Variants in ZFAND2A observed in about 807,000 individuals in gnomAD.
The protein encoded by ZFAND2A is zinc finger AN1-type containing 2A.
Under a neutral mutation model 11.6 loss-of-function variants are expected in ZFAND2A, and 20 were observed. The ratio of observed to expected loss-of-function variants is 1.72; its 90% CI spans 1.21 to 2.50. ZFAND2A has a LOEUF of 2.50. Ranked by LOEUF, ZFAND2A falls within the 30% of genes most tolerant of loss-of-function variation. ZFAND2A has a pLI of 0.00. For missense variants in ZFAND2A, 234 were observed against 182.9 expected (o/e 1.28, Z -1.61); for synonymous variants, 93 against 60.6 (o/e 1.54, Z -2.48).
intron 3 of ZFAND2A, 74 bp from the exon 4 acceptor site, chr7:1,155,658 C>T (rs777515683): frequency 6.6e-6 from 10 of 1,518,188 alleles, no homozygotes; most frequent in African/African-American, 1.5e-5. Context: ...AACGAGTACT[C>T]CTGTGCGGCA....
chr7:1,158,152 A>T lies in ZFAND2A; in HGVS notation c.55+6T>A, dbSNP rs545420739. The T allele has an allele frequency of 6.8e-6, 11 of 1,613,286 alleles. No homozygotes were observed. Among genetic ancestry groups the T allele is most frequent in the Non-Finnish European group, 9.3e-6 (11 of 1,179,554 alleles). ...ATTTTCTATTAAGTCTCTTAAAAGT[A>T]CTCACCTAGCTGCTTGCAAGTCTTT... On this transcript the variant is annotated splice_donor_region_variant and intron_variant, in intron 2 of 4. Transcript: ENST00000316495.
downstream of ZFAND2A, among the ~76,000 whole-genome samples, chr7:1,151,585 C>A (rs1272968137): frequency 6.6e-6 from 1 of 151,950 alleles, no homozygotes; most frequent in African/African-American, 2.4e-5. Flanking sequence ...TTCAGGCTAA[C>A]CATCTTCACT....
chr7:1,158,511 A>AG (rs887642072), intron 1 of ZFAND2A, among the ~76,000 whole-genome samples: 1 of 152,194 alleles, frequency 6.6e-6, no homozygotes, highest in East Asian at 1.9e-4. Flanking sequence ...ACTCACACTG[A>AG]GGGGGCGAGA....
chr7:1,159,264 G>A (rs906772442), intron 1 of ZFAND2A, among the ~76,000 whole-genome samples: 2 of 152,202 alleles, frequency 1.3e-5, no homozygotes, highest in African/African-American at 4.8e-5. Context: ...AGTTTGATGT[G>A]AATCCCCAAA....
downstream of ZFAND2A, among the ~76,000 whole-genome samples, chr7:1,151,779 A>G (rs939267034): frequency 6.6e-6 from 1 of 150,972 alleles, no homozygotes; most frequent in Non-Finnish European, 1.5e-5. Context: ...AAAAAAGCAA[A>G]GCCAGCCAGC....
At chr7:1,152,267 C>A, downstream of ZFAND2A, 1 of 1,579,220 alleles carries the variant, frequency 6.3e-7, no homozygotes, top group South Asian at 1.2e-5. Flanking sequence ...GTACCCGAGT[C>A]GCTGGGCCAG....
At chr7:1,157,522 T>C (rs1164330362) in intron 3 of ZFAND2A, 134 bp downstream of exon 3, 2 of 850,956 alleles carry the variant, frequency 2.4e-6, no homozygotes, top group Non-Finnish European at 1.8e-6. Flanking sequence ...ACGAGGCTAG[T>C]GGGACTGAAA....
At chr7:1,152,899 A>C (rs1793427499), downstream of ZFAND2A, 2 of 1,010,574 alleles carry the variant, frequency 2.0e-6, no homozygotes, top group Admixed American at 4.0e-5. Context: ...CAATGAGAAC[A>C]ACTAGAATCA....
chr7:1,149,853 GT>G (rs11349429), downstream of ZFAND2A, among the ~76,000 whole-genome samples: 31,639 of 139,692 alleles, frequency 0.23, 3,508 homozygotes, highest in African/African-American at 0.32. Flanking sequence ...TTGTTCTTAA[GT>G]TTTTTTTTTT....
At chr7:1,156,026 G>C (rs1432136305) in intron 3 of ZFAND2A, among the ~76,000 whole-genome samples, 1 of 152,236 alleles carries the variant, frequency 6.6e-6, no homozygotes, top group Non-Finnish European at 1.5e-5. Context: ...CCCAGATGAG[G>C]CCACGTGTAC....
At chr7:1,155,338 T>C in intron 4 of ZFAND2A, 115 bp downstream of exon 4, 1 of 1,458,464 alleles carries the variant, frequency 6.9e-7, no homozygotes, top group Non-Finnish European at 9.2e-7. Flanking sequence ...TTAGGACTCT[T>C]CTTTTCTACT....
chr7:1,150,389 T>C (rs923101674), downstream of ZFAND2A, among the ~76,000 whole-genome samples: 1 of 152,094 alleles, frequency 6.6e-6, no homozygotes, highest in Non-Finnish European at 1.5e-5. Context: ...TGGGCACAGC[T>C]GGATGGCCAG....
At position 1,159,767 on chromosome 7, in the gene ZFAND2A, G is replaced by A. The variant is rs6463495; in HGVS notation, c.-46+197C>T. ...GGCAGGCCCGGTCCCCAGCAGACAG[G>A]CCGGACCCCCAGCAGCCAGACCCCG... On this transcript the variant is annotated intron_variant, in intron 1 of 4. Transcript: ENST00000316495. 5.8e-3 allele frequency among the ~76,000 whole-genome samples: 620 copies of A among 107,130 alleles called. 46 individuals are homozygous for A. The highest frequency in any genetic ancestry group is 0.023 in the African/African-American group (560 of 23,900). The allele number at this position is 107,130 out of a possible 152,430, so 70.3% of individuals were successfully genotyped here.
intron 4 of ZFAND2A, among the ~76,000 whole-genome samples, chr7:1,154,494 T>C (rs1350323707): frequency 1.3e-5 from 2 of 152,106 alleles, no homozygotes; most frequent in East Asian, 3.9e-4. Context: ...CAAGGGAAGC[T>C]GTGTCATGTG....
intron 3 of ZFAND2A, chr7:1,156,902 A>T (rs1793539441): frequency 6.6e-6 from 1 of 152,364 alleles, no homozygotes; most frequent in African/African-American, 2.4e-5. Flanking sequence ...CGTGCCTAGT[A>T]AACGCAGGGA....
intron 3 of ZFAND2A, 41 bp downstream of exon 3, chr7:1,157,615 G>T (rs745758821): frequency 1.9e-6 from 3 of 1,547,310 alleles, no homozygotes; most frequent in South Asian, 1.2e-5. Context: ...TGCAGCTTCA[G>T]ACGGTGAAGA....
At chr7:1,159,132 G>T (rs1318717095) in intron 1 of ZFAND2A, among the ~76,000 whole-genome samples, 2 of 152,104 alleles carry the variant, frequency 1.3e-5, no homozygotes, top group Non-Finnish European at 2.9e-5. Context: ...GTGCCCATTA[G>T]TCCTTTCCCA....
At chr7:1,154,725 A>AACTGTAAAGTATTGAACATC (rs1793481527) in intron 4 of ZFAND2A, among the ~76,000 whole-genome samples, 1 of 152,234 alleles carries the variant, frequency 6.6e-6, no homozygotes, top group African/African-American at 2.4e-5. Flanking sequence ...ATGGTAATAT[A>AACTGTAAAGTATTGAACATC]ACTGTAAAGT....
At chr7:1,154,122 T>C (rs1338575975) in intron 4 of ZFAND2A, among the ~76,000 whole-genome samples, 1 of 150,730 alleles carries the variant, frequency 6.6e-6, no homozygotes, top group Admixed American at 6.6e-5. Context: ...CCAGGAGCCC[T>C]GGGACAGTGG....
Sources: allele counts gnomAD v4.1 joint callset (sites outside exome capture counted in the v4.1 genomes callset), GRCh38; gene constraint gnomAD v4.1.1; transcripts MANE v1.5; gene names NCBI Gene and HGNC (gene_info 2026-07-23, HGNC 2026-07-21).